The following KIAA1328 variants were observed in gnomAD, a reference collection of about 807,000 sequenced individuals.
KIAA1328 encodes KIAA1328.
Under a neutral mutation model 68.1 loss-of-function variants are expected in KIAA1328, and 52 were observed. The observed-to-expected ratio is 0.76, with a 90% CI of 0.61 to 0.96. KIAA1328 has a LOEUF of 0.96. Among genes scored for constraint, KIAA1328 ranks in the 40% least tolerant of loss-of-function variants. The probability of loss-of-function intolerance (pLI) is 0.00; values close to 1 mark genes in which losing one functional copy is unlikely to be tolerated. For synonymous variants in KIAA1328, 232 were observed against 239.4 expected, an observed-to-expected ratio of 0.97 and a Z score of 0.28; for missense variants, 641 against 677.6, an observed-to-expected ratio of 0.95 and a Z score of 0.60.
intron 6 of KIAA1328, among the ~76,000 whole-genome samples, chr18:37,011,349 A>G (rs2053973511): frequency 6.6e-6 from 1 of 152,100 alleles, no homozygotes; most frequent in South Asian, 2.1e-4. Flanking sequence ...TTCTTAAGGA[A>G]AAAAAGGCTT....
Position 37,224,533 on chromosome 18 carries a change from ATAATC to A in KIAA1328, c.*2311_*2315del. 1.0e-6 allele frequency: 1 copy of A among 979,520 alleles called. No individual in the cohort carries two copies. Among genetic ancestry groups the A allele is most frequent in the Non-Finnish European group, 1.2e-6 (1 of 824,520 alleles). The allele number at this position is 979,520 out of a possible 1,614,324, so 60.7% of individuals were successfully genotyped here. A position where few individuals can be genotyped will look rare whatever the true frequency, so the allele number is the denominator to read the frequency against. On this transcript the variant is annotated 3_prime_UTR_variant, in exon 10 of 10. Transcript: ENST00000280020. Reference sequence around the variant, plus strand: ...AGGGCAATAGGATGTAAATTTGTATATAATCTAATGTCTTCATTATTAATTGAATA... The same window carrying A: ...AGGGCAATAGGATGTAAATTTGTATATAATGTCTTCATTATTAATTGAATA...
intron 9 of KIAA1328, among the ~76,000 whole-genome samples, chr18:37,219,811 C>T (rs1307666796): frequency 6.6e-6 from 1 of 152,194 alleles, no homozygotes; most frequent in African/African-American, 2.4e-5. Flanking sequence ...CACCTTGCTT[C>T]GGCTTGCCCT....
At chr18:36,842,202 AG>A (rs201950083) in intron 3 of KIAA1328, among the ~76,000 whole-genome samples, 2,269 of 152,184 alleles carry the variant, frequency 0.015, 38 homozygotes, top group Non-Finnish European at 0.02. Flanking sequence ...AGCTTAGAGG[AG>A]GGGCCCCTTA....
At chr18:36,942,353 T>C (rs1383227428) in intron 5 of KIAA1328, among the ~76,000 whole-genome samples, 1 of 152,246 alleles carries the variant, frequency 6.6e-6, no homozygotes, top group African/African-American at 2.4e-5. Flanking sequence ...TTTGGTTTTC[T>C]GAACAAGTGG....
chr18:37,142,767 A>G (rs2058796993), intron 7 of KIAA1328, among the ~76,000 whole-genome samples: 1 of 152,056 alleles, frequency 6.6e-6, no homozygotes, highest in African/African-American at 2.4e-5. Context: ...TTCAAGCCTT[A>G]CTTTTTTATT....
downstream of KIAA1328, chr18:37,231,787 G>A (rs933900236): frequency 6.5e-6 from 1 of 152,700 alleles, no homozygotes; most frequent in African/African-American, 2.4e-5. Context: ...TAAGACTGTG[G>A]TGTTTGCCCT....
intron 7 of KIAA1328, among the ~76,000 whole-genome samples, chr18:37,102,575 T>C (rs2057655058): frequency 1.3e-5 from 2 of 152,024 alleles, no homozygotes; most frequent in Admixed American, 6.6e-5. Flanking sequence ...AGAAGAAACA[T>C]ACCTCAACTT....
At chr18:36,830,698 C>A (rs1355054941) in intron 1 of KIAA1328, among the ~76,000 whole-genome samples, 1 of 152,164 alleles carries the variant, frequency 6.6e-6, no homozygotes, top group African/African-American at 2.4e-5. Flanking sequence ...AGTTATATCA[C>A]CCCCTATTTT....
intron 5 of KIAA1328, among the ~76,000 whole-genome samples, chr18:36,892,662 A>G (rs1598626471): frequency 6.6e-6 from 1 of 151,998 alleles, no homozygotes; most frequent in Non-Finnish European, 1.5e-5. Context: ...CATTTTATTT[A>G]CTCTATGTTG....
chr18:36,850,524 C>A (rs2047178548), intron 4 of KIAA1328, among the ~76,000 whole-genome samples: 1 of 152,010 alleles, frequency 6.6e-6, no homozygotes, highest in Non-Finnish European at 1.5e-5. Context: ...TACTTACATA[C>A]CTATAATAAA....
chr18:37,158,915 G>A (rs764875491), intron 7 of KIAA1328, among the ~76,000 whole-genome samples: 6 of 151,920 alleles, frequency 3.9e-5, no homozygotes, highest in Non-Finnish European at 7.4e-5. Context: ...CTGGGTTGAC[G>A]TAAATTTATA....
intron 5 of KIAA1328, among the ~76,000 whole-genome samples, chr18:36,947,887 G>A (rs937297591): frequency 6.6e-6 from 1 of 152,062 alleles, no homozygotes; most frequent in Non-Finnish European, 1.5e-5. Context: ...GAGTCAGGTT[G>A]GAATTTGATA....
At chr18:36,899,886 T>G (rs1467614248) in intron 5 of KIAA1328, among the ~76,000 whole-genome samples, 1 of 151,960 alleles carries the variant, frequency 6.6e-6, no homozygotes, top group African/African-American at 2.4e-5. Flanking sequence ...TCTTAATATC[T>G]TGTATTAATA....
At chr18:36,835,500 G>A (rs1002349605) in intron 3 of KIAA1328, 124 bp downstream of exon 3, 68 of 941,370 alleles carry the variant, frequency 7.2e-5, no homozygotes, top group Non-Finnish European at 9.7e-5. Context: ...AAGATACAGA[G>A]GATTCCAGGA....
At chr18:36,972,422 T>G (rs2151325071) in intron 6 of KIAA1328, among the ~76,000 whole-genome samples, 1 of 152,332 alleles carries the variant, frequency 6.6e-6, no homozygotes, top group Non-Finnish European at 1.5e-5. Context: ...ATATAATTAA[T>G]AATAGCCAGA....
chr18:37,182,430 A>G (rs2059715706), intron 9 of KIAA1328, among the ~76,000 whole-genome samples: 1 of 152,174 alleles, frequency 6.6e-6, no homozygotes, highest in African/African-American at 2.4e-5. Context: ...CATTTAATTT[A>G]ATCTATAAAA....
intron 4 of KIAA1328, among the ~76,000 whole-genome samples, chr18:36,860,982 A>G (rs1373143251): frequency 6.6e-6 from 1 of 152,172 alleles, no homozygotes; most frequent in Non-Finnish European, 1.5e-5. Flanking sequence ...ATCCTGAATA[A>G]TCATGGTGAA....
chr18:36,858,575 T>TTGGA (rs2047455159), intron 4 of KIAA1328, among the ~76,000 whole-genome samples: 1 of 152,150 alleles, frequency 6.6e-6, no homozygotes, highest in Admixed American at 6.6e-5. Flanking sequence ...CCTTAACCTA[T>TTGGA]TCCCATTCCA....
intron 9 of KIAA1328, among the ~76,000 whole-genome samples, chr18:37,199,875 G>T (rs973806569): frequency 6.6e-6 from 1 of 152,058 alleles, no homozygotes; most frequent in Non-Finnish European, 1.5e-5. Flanking sequence ...TCATATGATT[G>T]TTGGCCACAG....
Sources: allele counts gnomAD v4.1 joint callset (sites outside exome capture counted in the v4.1 genomes callset), GRCh38; gene constraint gnomAD v4.1.1; transcripts MANE v1.5; gene names NCBI Gene and HGNC (gene_info 2026-07-23, HGNC 2026-07-21).